TTC6: variants seen among roughly 807,000 people sequenced by gnomAD.
TTC6 encodes tetratricopeptide repeat domain 6.
Under a neutral mutation model 210.4 loss-of-function variants are expected in TTC6, and 172 were observed. The ratio of observed to expected loss-of-function variants is 0.82; its 90% CI spans 0.72 to 0.93. TTC6 has a LOEUF of 0.93. TTC6 is among the 40% of genes least tolerant of loss of function. The pLI is 0.00. For missense variants in TTC6, 2,414 were observed against 2,318.1 expected, an observed-to-expected ratio of 1.04 and a Z score of -0.85; for synonymous variants, 804 against 819.6, an observed-to-expected ratio of 0.98 and a Z score of 0.32.
At chr14:37,739,205 G>C (rs2138946760) in intron 10 of TTC6, 50 bp downstream of exon 12, 2 of 1,421,814 alleles carry the variant, frequency 1.4e-6, no homozygotes, top group African/African-American at 1.4e-5. Flanking sequence ...TTGTGGTTTT[G>C]ACCTTAATTT....
intron 1 of TTC6, among the ~76,000 whole-genome samples, chr14:37,633,304 A>G (rs755741610): frequency 7.2e-5 from 11 of 152,214 alleles, no homozygotes; most frequent in Non-Finnish European, 1.3e-4. Context: ...ACCGTGGGAA[A>G]AACATAGTAT....
intron 7 of TTC6, among the ~76,000 whole-genome samples, chr14:37,725,318 A>G (rs1161641548): frequency 6.6e-4 from 49 of 74,158 alleles, no homozygotes; most frequent in African/African-American, 1.1e-3. Flanking sequence ...GTGTGTATAT[A>G]TATATATATA....
chr14:37,801,917 T>C (rs1290514900), intron 20 of TTC6, among the ~76,000 whole-genome samples: 2 of 152,176 alleles, frequency 1.3e-5, no homozygotes, highest in African/African-American at 4.8e-5. Flanking sequence ...GGAATATAAA[T>C]CATTCTGTTA....
At chr14:37,792,128 A>G (rs528587193) in intron 16 of TTC6, 136 bp from the exon 19 acceptor site, 1 of 673,938 alleles carries the variant, frequency 1.5e-6, no homozygotes, top group South Asian at 2.9e-5. Context: ...TAACTAATTT[A>G]CTTTCCTTTG....
intron 17 of TTC6, among the ~76,000 whole-genome samples, chr14:37,794,087 C>T (rs544194977): frequency 2.0e-5 from 3 of 152,094 alleles, no homozygotes; most frequent in African/African-American, 7.2e-5. Flanking sequence ...GTGAGATCTG[C>T]GAATGAGCCT....
chr14:37,738,894 G>A (rs2095909603), exon 10 of TTC6: 4 of 1,535,260 alleles, frequency 2.6e-6, no homozygotes, highest in East Asian at 2.4e-5. Context: ...GAATTGAAAC[G>A]TCAGCTCCAG....
intron 29 of TTC6, among the ~76,000 whole-genome samples, chr14:37,839,113 G>A (rs997519423): frequency 2.6e-5 from 4 of 152,168 alleles, no homozygotes; most frequent in African/African-American, 7.2e-5. Flanking sequence ...ACATACGTGT[G>A]CATGTGTCTT....
chr14:37,724,317 C>T (rs1237792261), intron 6 of TTC6, among the ~76,000 whole-genome samples: 1 of 151,772 alleles, frequency 6.6e-6, no homozygotes, highest in African/African-American at 2.4e-5. Context: ...ATAAATAATA[C>T]ATTTTTTGTG....
intron 1 of TTC6, among the ~76,000 whole-genome samples, chr14:37,676,589 T>C (rs565425042): frequency 1.3e-5 from 2 of 152,250 alleles, no homozygotes; most frequent in Admixed American, 1.3e-4. Context: ...TGTCTATTTT[T>C]TCTTTGGTTG....
intron 1 of TTC6, among the ~76,000 whole-genome samples, chr14:37,669,133 G>A (rs2095753771): frequency 6.6e-6 from 1 of 152,178 alleles, no homozygotes; most frequent in Non-Finnish European, 1.5e-5. Flanking sequence ...TGAATAATGT[G>A]GTAAAAGTTT....
At chr14:37,614,618 T>G (rs537706840) in intron 2 of TTC6, among the ~76,000 whole-genome samples, 7 of 152,136 alleles carry the variant, frequency 4.6e-5, no homozygotes, top group Non-Finnish European at 7.4e-5. Flanking sequence ...TTGTAATTCC[T>G]ATCCGCTGGT....
At chr14:37,795,987 T>C (rs2096091843) in intron 18 of TTC6, among the ~76,000 whole-genome samples, 1 of 152,140 alleles carries the variant, frequency 6.6e-6, no homozygotes, top group Admixed American at 6.6e-5. Flanking sequence ...CTTCCTTTTA[T>C]ATGCCTTGAA....
chr14:37,695,823 T>C (rs1344926462), intron 3 of TTC6, among the ~76,000 whole-genome samples: 15 of 152,104 alleles, frequency 9.9e-5, no homozygotes, highest in Admixed American at 9.8e-4. Flanking sequence ...TGAATATATA[T>C]ACCTTCTATG....
chr14:37,810,199 A>T (rs576027241), intron 24 of TTC6, among the ~76,000 whole-genome samples: 6 of 152,310 alleles, frequency 3.9e-5, no homozygotes, highest in Admixed American at 6.5e-5. Flanking sequence ...AGATGCTAGG[A>T]GCTGATTGAA....
chr14:37,696,720 A>C (rs769761533), exon 4 of TTC6: 1 of 1,441,190 alleles, frequency 6.9e-7, no homozygotes, highest in South Asian at 1.5e-5. Flanking sequence ...CTTAAAGGCA[A>C]AATCACCAGA....
Position 37,749,867 on chromosome 14 carries a change from A to G in TTC6, c.2956+24A>G. ...AGGTGGGTTGTCTGTAGAGACAGTT[A>G]TATTACCTACATTTTGACCTCAGCC... On this transcript the variant is annotated intron_variant, in intron 12 of 30. Coordinates refer to ENST00000553443, the Ensembl canonical transcript of TTC6. The G allele has an allele frequency of 2.3e-6, 3 of 1,301,728 alleles. No homozygotes were observed. In the South Asian group the frequency reaches 6.8e-5, roughly 29 times the overall value. 80.6% of individuals were successfully genotyped at this position (1,301,728 alleles called of 1,614,324 possible).
In TTC6 at chr14:37,667,583, ACT is replaced by A. The variant is rs1206741390; in HGVS notation, c.940-12566_940-12565del. Among the ~76,000 whole-genome samples the A allele has an allele frequency of 7.3e-5, 11 of 150,638 alleles. 1 individual carries two copies. Among genetic ancestry groups the A allele is most frequent in the African/African-American group, 2.7e-4 (11 of 41,298 alleles). On this transcript the variant is annotated intron_variant, in intron 1 of 30. Transcript: ENST00000553443. ...CCAAACATGTTTGAATCCCATTTAG[ACT>A]CAAGACAGGGCTCCCTATATTTAAA...
intron 1 of TTC6, among the ~76,000 whole-genome samples, chr14:37,659,508 C>CATTTT (rs2095732427): frequency 7.6e-6 from 1 of 130,778 alleles, no homozygotes; most frequent in East Asian, 2.1e-4. Context: ...ATCTCGTTGT[C>CATTTT]GTTTTATTTT....
intron 1 of TTC6, among the ~76,000 whole-genome samples, chr14:37,675,251 G>T (rs1329869374): frequency 6.6e-6 from 1 of 151,958 alleles, no homozygotes; most frequent in South Asian, 2.1e-4. Context: ...ACAGGCCCTG[G>T]CAACAACAAG....
Sources: gnomAD v4.1 joint callset for allele counts (sites outside exome capture counted in the v4.1 genomes callset) on GRCh38, gnomAD v4.1.1 for gene constraint, MANE v1.5 for transcripts, NCBI Gene and HGNC (gene_info 2026-07-23, HGNC 2026-07-21) for gene names.